The following ARHGAP39 variants were observed in gnomAD, a reference collection of about 807,000 sequenced individuals.
ARHGAP39 encodes the protein rho GTPase-activating protein 39.
In ARHGAP39, 44 loss-of-function variants were observed where a neutral mutation model predicts 106.9. The observed-to-expected ratio is 0.41, with a 90% CI of 0.32 to 0.53. The LOEUF (loss-of-function observed/expected upper bound fraction) is 0.53, where lower values mean the gene tolerates loss of function less well. ARHGAP39 is among the 20% of genes least tolerant of loss of function. The probability of loss-of-function intolerance (pLI) is 0.21; values close to 1 mark genes in which losing one functional copy is unlikely to be tolerated. For synonymous variants in ARHGAP39, 768 were observed against 693.2 expected, an observed-to-expected ratio of 1.11 and a Z score of -1.69; for missense variants, 1,496 against 1,577.3, an observed-to-expected ratio of 0.95 and a Z score of 0.87.
At chr8:144,537,467 C>T (rs889646952) in intron 7 of ARHGAP39, among the ~76,000 whole-genome samples, 2 of 152,142 alleles carry the variant, frequency 1.3e-5, no homozygotes, top group Non-Finnish European at 2.9e-5. Context: ...CATGCCCCCA[C>T]CCCATCAAGA....
chr8:144,680,532 G>C (rs1042053850), intron 1 of ARHGAP39, among the ~76,000 whole-genome samples: 1 of 152,168 alleles, frequency 6.6e-6, no homozygotes, highest in Non-Finnish European at 1.5e-5. Context: ...ATCCGTAGCA[G>C]ATTTTTTCTT....
At chr8:144,649,499 G>A (rs1041629955) in intron 1 of ARHGAP39, among the ~76,000 whole-genome samples, 2 of 152,094 alleles carry the variant, frequency 1.3e-5, no homozygotes, top group African/African-American at 2.4e-5. Context: ...GCCAGGCGCT[G>A]TGGCTCACAT....
At position 144,547,832 on chromosome 8, in the gene ARHGAP39, G is replaced by C. The variant is rs759889082; in HGVS notation, c.1254C>G (p.Tyr418Ter). The change falls in exon 5 of 12, where the codon TAC becomes TAG. Residue 418 changes from tyrosine (Y) to a stop codon, truncating the protein, a stop_gained. Coordinates refer to ENST00000377307, the MANE Select transcript of ARHGAP39 (RefSeq NM_025251.3). LOFTEE classifies it high-confidence loss of function. The surrounding 1 kb of genome is among the most constrained non-coding windows in gnomAD (Gnocchi z 5.2). ...PKLRAGPRHK[Y>*]APNPGGGSYS... The stretch of plus-strand genomic sequence containing the variant: ...ACGAACCACCGCCGGGGTTGGGCGC[G>C]TACTTGTGCCGCGGGCCGGCGCGCA... 6.3e-7 allele frequency: 1 copy of C among 1,591,018 alleles called. No homozygotes were observed. The highest frequency in any genetic ancestry group is 1.1e-5 in the South Asian group (1 of 88,508).
chr8:144,601,138 ATG>A (rs1195336627), intron 2 of ARHGAP39, among the ~76,000 whole-genome samples: 1 of 38,096 alleles, frequency 2.6e-5, no homozygotes, highest in African/African-American at 1.0e-4. Context: ...GGAGGCGTGC[ATG>A]TGTGCTCGTG....
intron 1 of ARHGAP39, among the ~76,000 whole-genome samples, chr8:144,614,404 G>A (rs1292086365): frequency 4.6e-5 from 7 of 151,086 alleles, no homozygotes; most frequent in Non-Finnish European, 1.0e-4. Flanking sequence ...CCAGGCTGGA[G>A]TGCAACGGCA....
At chr8:144,556,965 T>A (rs370896472) in intron 3 of ARHGAP39, among the ~76,000 whole-genome samples, 3 of 118,230 alleles carry the variant, frequency 2.5e-5, no homozygotes, top group African/African-American at 4.0e-5. Flanking sequence ...TAGTATTCAG[T>A]GGCAAAAGCC....
At chr8:144,689,537 A>G (rs754215388), upstream of ARHGAP39, among the ~76,000 whole-genome samples, 23 of 144,066 alleles carry the variant, frequency 1.6e-4, no homozygotes, top group Non-Finnish European at 2.7e-4. Context: ...CCCAGGTTCA[A>G]GCGATTCTCC....
chr8:144,566,816 C>T lies in ARHGAP39; in HGVS notation c.513-11173G>A, dbSNP rs150067506. 3.0e-3 allele frequency among the ~76,000 whole-genome samples: 455 copies of T among 150,570 alleles called. 2 individuals carry two copies. The highest frequency in any genetic ancestry group is 5.1e-3 in the African/African-American group (208 of 40,880). On this transcript the variant is annotated intron_variant, in intron 3 of 11. Transcript: ENST00000377307. ...GTTGCAGTGAGCCGAGATCGTGCCA[C>T]TGCGCTCCAGCCTAGGTGACATAGT...
At chr8:144,537,413 A>G (rs1449634793) in intron 7 of ARHGAP39, among the ~76,000 whole-genome samples, 1 of 151,764 alleles carries the variant, frequency 6.6e-6, no homozygotes, top group African/African-American at 2.4e-5. Context: ...AGGCCCAAAC[A>G]CTCACCTGGG....
chr8:144,535,444 TC>T (rs1234130339), intron 7 of ARHGAP39, among the ~76,000 whole-genome samples: 1 of 152,194 alleles, frequency 6.6e-6, no homozygotes, highest in African/African-American at 2.4e-5. Flanking sequence ...CAAGGGCCCC[TC>T]TGGGCAGGCT....
At chr8:144,618,971 G>A (rs960491671) in intron 1 of ARHGAP39, among the ~76,000 whole-genome samples, 3 of 152,328 alleles carry the variant, frequency 2.0e-5, no homozygotes, top group Non-Finnish European at 2.9e-5. Flanking sequence ...TCCTGCAGAC[G>A]TGGGGCCCCC....
intron 1 of ARHGAP39, among the ~76,000 whole-genome samples, chr8:144,651,822 T>C (rs1252530099): frequency 6.6e-6 from 1 of 152,166 alleles, no homozygotes; most frequent in Admixed American, 6.6e-5. Context: ...CTTCAAATTA[T>C]ACTACAGTGC....
In ARHGAP39 at chr8:144,630,947, C is replaced by T. The variant is rs4422811; in HGVS notation, c.-81-25252G>A. ...AAAGAAAAGAGGTTTAGTTGCCTCA[C>T]GGTTCTGCAGGCTGTACAGGTAGCA... is the stretch of plus-strand genomic sequence containing the variant. On this transcript the variant is annotated intron_variant, in intron 1 of 11. Transcript: ENST00000377307. 9.2e-5 allele frequency among the ~76,000 whole-genome samples: 14 copies of T among 152,326 alleles called. No homozygotes were observed. In the East Asian group the frequency reaches 1.9e-3, roughly 21 times the overall value.
intron 3 of ARHGAP39, among the ~76,000 whole-genome samples, chr8:144,577,241 C>G (rs1192371303): frequency 6.6e-6 from 1 of 152,180 alleles, no homozygotes; most frequent in African/African-American, 2.4e-5. Context: ...CAAAAGCACA[C>G]AGATGCTGCT....
chr8:144,561,075 C>T (rs1252113899), intron 3 of ARHGAP39, among the ~76,000 whole-genome samples: 2 of 151,956 alleles, frequency 1.3e-5, no homozygotes. Context: ...AGAGCAGCTG[C>T]TTGAGGAGTT....
chr8:144,600,820 T>C (rs997019268), intron 2 of ARHGAP39, among the ~76,000 whole-genome samples: 1 of 151,164 alleles, frequency 6.6e-6, no homozygotes, highest in East Asian at 2.0e-4. Flanking sequence ...CGCGTGTGTG[T>C]GCGTGGAGGC....
At chr8:144,654,027 AAGG>A (rs1199036474) in intron 1 of ARHGAP39, among the ~76,000 whole-genome samples, 2 of 152,224 alleles carry the variant, frequency 1.3e-5, no homozygotes, top group South Asian at 2.1e-4. Context: ...CGAGCACTGA[AAGG>A]AGGAGACAGT....
In ARHGAP39 at chr8:144,679,858, T is replaced by C. The variant is rs1822348970; in HGVS notation, c.-82+5828A>G. ...AGCCGGGCATGGTGGTAGGCACCTGTAGTCCCAGTTACTTGGGAGGCTGAG... is the reference window on the plus strand; with the variant it reads ...AGCCGGGCATGGTGGTAGGCACCTGCAGTCCCAGTTACTTGGGAGGCTGAG... On this transcript the variant is annotated intron_variant, in intron 1 of 11. Transcript: ENST00000377307. This position sits in a 1 kb window ranked among gnomAD's most constrained non-coding sequence, Gnocchi z 4.7. 1.3e-5 allele frequency among the ~76,000 whole-genome samples: 2 copies of C among 152,164 alleles called. No homozygotes were observed. The highest frequency in any genetic ancestry group is 4.8e-5 in the African/African-American group (2 of 41,444).
At chr8:144,658,725 T>G (rs1236119593) in intron 1 of ARHGAP39, among the ~76,000 whole-genome samples, 1 of 151,640 alleles carries the variant, frequency 6.6e-6, no homozygotes, top group Non-Finnish European at 1.5e-5. Context: ...TACTCTAACA[T>G]GACACATTAC....
Sources: allele counts gnomAD v4.1 joint callset (sites outside exome capture counted in the v4.1 genomes callset), GRCh38; gene constraint gnomAD v4.1.1; non-coding constraint Gnocchi (gnomAD v3.1); transcripts MANE v1.5; gene names NCBI Gene and HGNC (gene_info 2026-07-23, HGNC 2026-07-21).